The following PRKAA2 variants were observed in gnomAD, a reference collection of about 807,000 sequenced individuals.
The protein encoded by PRKAA2 is protein kinase AMP-activated catalytic subunit alpha 2.
In PRKAA2, 40 loss-of-function variants were observed where a neutral mutation model predicts 56.3. The ratio of observed to expected loss-of-function variants is 0.71; its 90% CI spans 0.55 to 0.92. PRKAA2 has a LOEUF of 0.92. Among genes scored for constraint, PRKAA2 ranks in the 40% least tolerant of loss-of-function variants. PRKAA2 has a pLI of 0.00. For missense variants in PRKAA2, 542 were observed against 686.9 expected (o/e 0.79, Z 2.36); for synonymous variants, 214 against 234.2 (o/e 0.91, Z 0.79).
rs376505253 is a variant in PRKAA2 at position 56,707,647 on chromosome 1, C to T, written c.1593C>T (p.Arg531=). ...TGSTLSSVSP[R]LGSHTMDFFE... ...GCACATTGTCTTCAGTTTCACCTCG[C>T]CTGGGCAGTCACACCATGGATTTTT... Residue 531 remains arginine (R), a synonymous_variant, in exon 9 of 9, where the codon CGC becomes CGT. Transcript: ENST00000371244. 1.2e-6 allele frequency: 2 copies of T among 1,614,064 alleles called. No individual in the cohort carries two copies. The highest frequency in any genetic ancestry group is 1.7e-6 in the Non-Finnish European group (2 of 1,179,948).
chr1:56,698,226 G>A (rs929779682), intron 6 of PRKAA2, among the ~76,000 whole-genome samples: 12 of 151,602 alleles, frequency 7.9e-5, no homozygotes, highest in African/African-American at 2.9e-4. Flanking sequence ...CAATGTTTGG[G>A]AATTCTTGAT....
intron 1 of PRKAA2, among the ~76,000 whole-genome samples, chr1:56,648,668 A>G (rs1646663454): frequency 6.6e-6 from 1 of 152,320 alleles, no homozygotes; most frequent in African/African-American, 2.4e-5. Context: ...TAACATTCCC[A>G]TCAAAGATGT....
At chr1:56,693,710 C>A in intron 4 of PRKAA2, 55 bp from the exon 5 acceptor site, 1 of 1,279,434 alleles carries the variant, frequency 7.8e-7, no homozygotes, top group Non-Finnish European at 1.1e-6. Flanking sequence ...ATTTATATGA[C>A]TTTATCTACT....
intron 8 of PRKAA2, among the ~76,000 whole-genome samples, chr1:56,706,806 G>T (rs1049525380): frequency 6.6e-6 from 1 of 152,184 alleles, no homozygotes; most frequent in Non-Finnish European, 1.5e-5. Context: ...AATAAACTAA[G>T]GGTCAGGTGC....
At chr1:56,650,749 C>G (rs1646680836) in intron 1 of PRKAA2, among the ~76,000 whole-genome samples, 1 of 152,162 alleles carries the variant, frequency 6.6e-6, no homozygotes, top group African/African-American at 2.4e-5. Context: ...TAGGTTCTTT[C>G]TTGTCGGCAA....
chr1:56,687,053 T>A (rs1644196143), intron 2 of PRKAA2, among the ~76,000 whole-genome samples: 1 of 151,986 alleles, frequency 6.6e-6, no homozygotes, highest in South Asian at 2.1e-4. Flanking sequence ...CCTGGCTAAT[T>A]TTTTATTTTT....
intron 2 of PRKAA2, 145 bp from the exon 3 acceptor site, chr1:56,691,249 G>C (rs529806754): frequency 2.1e-6 from 1 of 474,550 alleles, no homozygotes; most frequent in African/African-American, 2.0e-5. Context: ...TTATTGCTCT[G>C]TGATTATTTT....
In PRKAA2 at chr1:56,667,090, T is replaced by C. The variant is rs540256414; in HGVS notation, c.95-7291T>C. Among the ~76,000 whole-genome samples, 5 of 152,332 alleles carry C rather than the reference T, an allele frequency of 3.3e-5. No homozygotes were observed. The South Asian group carries it at 8.3e-4, about 25-fold the overall frequency. On this transcript the variant is annotated intron_variant, in intron 1 of 8. Transcript: ENST00000371244. The stretch of plus-strand genomic sequence containing the variant: ...TACTACTAAAGTATTTCATAACATA[T>C]GGACACTTTGGTCAAAAGCAATTAG...
At chr1:56,661,531 A>G (rs1013410330) in intron 1 of PRKAA2, among the ~76,000 whole-genome samples, 2 of 152,158 alleles carry the variant, frequency 1.3e-5, no homozygotes, top group African/African-American at 4.8e-5. Context: ...ATTGCTATAT[A>G]GTATTGCATT....
intron 1 of PRKAA2, among the ~76,000 whole-genome samples, chr1:56,659,622 C>G (rs1204262865): frequency 1.3e-5 from 2 of 151,656 alleles, no homozygotes; most frequent in Non-Finnish European, 2.9e-5. Context: ...CCAGTATAAA[C>G]ACTTATTTTA....
chr1:56,715,053 C>T lies in PRKAA2; in HGVS notation c.*7340C>T, dbSNP rs1644396825. 1 of 151,770 alleles carries T rather than the reference C, an allele frequency of 6.6e-6. No homozygotes were observed. The highest frequency in any genetic ancestry group is 6.6e-5 in the Admixed American group (1 of 15,220). The allele number at this position is 151,770 out of a possible 1,614,324, so 9.4% of individuals were successfully genotyped here. A position where few individuals can be genotyped will look rare whatever the true frequency, so the allele number is the denominator to read the frequency against. ...AAAAAAAATGAACAGACTTCCAGTGCTTTTCTGTTCAAATAAACTCCGATT... is the reference window on the plus strand; with the variant it reads ...AAAAAAAATGAACAGACTTCCAGTGTTTTTCTGTTCAAATAAACTCCGATT... On this transcript the variant is annotated 3_prime_UTR_variant, in exon 9 of 9. Transcript: ENST00000371244.
intron 1 of PRKAA2, among the ~76,000 whole-genome samples, chr1:56,673,074 A>G (rs1644089238): frequency 6.6e-6 from 1 of 152,142 alleles, no homozygotes; most frequent in Non-Finnish European, 1.5e-5. Context: ...GGATGTGGAC[A>G]GAAGTAAGCC....
At chr1:56,665,839 C>G (rs768767163) in intron 1 of PRKAA2, among the ~76,000 whole-genome samples, 1 of 152,124 alleles carries the variant, frequency 6.6e-6, no homozygotes, top group Non-Finnish European at 1.5e-5. Flanking sequence ...TAGATCTCCT[C>G]TTTTCTAAAT....
chr1:56,713,982 A>G lies in PRKAA2; in HGVS notation c.*6269A>G, dbSNP rs1295432927. Reference sequence around the variant, plus strand: ...TCAGTTCTCCTTAGATCTGCCTCCTACAAATGATCATGTTGTTTGCATCTG... The same window carrying G: ...TCAGTTCTCCTTAGATCTGCCTCCTGCAAATGATCATGTTGTTTGCATCTG... On this transcript the variant is annotated 3_prime_UTR_variant, in exon 9 of 9. Coordinates refer to ENST00000371244, the MANE Select transcript of PRKAA2 (RefSeq NM_006252.4). 1 of 151,822 alleles carries G rather than the reference A, an allele frequency of 6.6e-6. No individual in the cohort carries two copies. The highest frequency in any genetic ancestry group is 2.4e-5 in the African/African-American group (1 of 41,352). 9.4% of individuals were successfully genotyped at this position (151,822 alleles called of 1,614,324 possible).
intron 3 of PRKAA2, among the ~76,000 whole-genome samples, chr1:56,692,067 C>G (rs1435275206): frequency 7.8e-6 from 1 of 128,988 alleles, no homozygotes. Context: ...GACTCTTGCT[C>G]TGTTGCCCAG....
intron 1 of PRKAA2, among the ~76,000 whole-genome samples, chr1:56,656,089 G>A (rs1299416436): frequency 6.6e-6 from 1 of 152,074 alleles, no homozygotes; most frequent in African/African-American, 2.4e-5. Flanking sequence ...GAAATTCTAG[G>A]ACTGAAAAAA....
At position 56,658,587 on chromosome 1, in the gene PRKAA2, T is replaced by TCCC. The variant is rs35263676; in HGVS notation, c.94+13114_94+13116dup. On this transcript the variant is annotated intron_variant, in intron 1 of 8. Transcript: ENST00000371244. ...TAAATGTTGTTGTTTTTTTTTTTCT[T>TCCC]CCCCCCCCCCGCCATTTTTTGTTTG... Among the ~76,000 whole-genome samples, 186 of 130,180 alleles carry TCCC rather than the reference T, an allele frequency of 1.4e-3. 5 individuals carry two copies. Among genetic ancestry groups the TCCC allele is most frequent in the Non-Finnish European group, 1.8e-3 (108 of 61,160 alleles). 85.4% of individuals were successfully genotyped at this position (130,180 alleles called of 152,430 possible). A position where few individuals can be genotyped will look rare whatever the true frequency, so the allele number is the denominator to read the frequency against.
At chr1:56,692,246 G>T in intron 3 of PRKAA2, 112 bp from the exon 4 acceptor site, 5 of 1,235,936 alleles carry the variant, frequency 4.0e-6, no homozygotes, top group Non-Finnish European at 5.8e-6. Flanking sequence ...TGGTCAGGCT[G>T]GTCTCAAACT....
chr1:56,646,421 G>C (rs1646642999), intron 1 of PRKAA2, among the ~76,000 whole-genome samples: 1 of 152,154 alleles, frequency 6.6e-6, no homozygotes, highest in African/African-American at 2.4e-5. Context: ...ATGGAGATAG[G>C]ATCCCCTTTT....
Sources: gnomAD v4.1 joint callset for allele counts (sites outside exome capture counted in the v4.1 genomes callset) on GRCh38, gnomAD v4.1.1 for gene constraint, MANE v1.5 for transcripts, NCBI Gene and HGNC (gene_info 2026-07-23, HGNC 2026-07-21) for gene names.